The following RAD52 variants were observed in gnomAD, a reference collection of about 807,000 sequenced individuals.
RAD52 encodes RAD52 DNA repair protein, also known as DNA repair protein RAD52 homolog.
RAD52 carries 47 observed loss-of-function variants against 55.5 expected under a neutral mutation model. That is an observed-to-expected ratio of 0.85 (90% CI 0.67 to 1.08). RAD52 has a LOEUF of 1.08. RAD52 is among the 50% of genes least tolerant of loss of function. RAD52 has a pLI of 0.00. For synonymous variants in RAD52, 184 were observed against 198.9 expected, an observed-to-expected ratio of 0.92 and a Z score of 0.63; for missense variants, 468 against 522.8, an observed-to-expected ratio of 0.90 and a Z score of 1.02.
Position 917,888 on chromosome 12 carries a change from G to A in RAD52, c.544-1068C>T, listed in dbSNP as rs999167039. 4.1e-4 allele frequency among the ~76,000 whole-genome samples: 63 copies of A among 151,966 alleles called. 1 individual carries two copies. Among genetic ancestry groups the A allele is most frequent in the Admixed American group, 2.6e-4 (4 of 15,258 alleles). On this transcript the variant is annotated intron_variant, in intron 7 of 11. Coordinates refer to ENST00000358495, the MANE Select transcript of RAD52 (RefSeq NM_134424.4). ...CTGGGAGACAGAGGTTGCAGTGGGC[G>A]GAGATCGCACCACCGCACTCCAGCC...
rs528519073 is a variant in RAD52 at position 961,237 on chromosome 12, G to A, written c.-18-28161C>T. ...AGGCAGGAGAATCGCTTGAACCTGG[G>A]AGGCAGAGGTTGCAGTGAGCCGAGA... On this transcript the variant is annotated intron_variant, in intron 1 of 11. Coordinates refer to the RAD52 transcript ENST00000430095. 3.1e-4 allele frequency among the ~76,000 whole-genome samples: 46 copies of A among 147,906 alleles called. No individual in the cohort carries two copies. In the East Asian group the frequency reaches 9.4e-3, roughly 30 times the overall value.
At chr12:913,830 A>G in intron 11 of RAD52, 64 bp downstream of exon 11, 2 of 1,467,566 alleles carry the variant, frequency 1.4e-6, no homozygotes, top group Non-Finnish European at 1.9e-6. Flanking sequence ...TCCTTCCTCA[A>G]AAATTCCCAG....
chr12:974,034 G>C (rs1958904759), intron 1 of RAD52: 1 of 152,076 alleles, frequency 6.6e-6, no homozygotes, highest in South Asian at 2.1e-4. Flanking sequence ...TGTGAAGCAT[G>C]AGAGAGAGGA....
upstream of RAD52, among the ~76,000 whole-genome samples, chr12:951,895 G>C (rs1958533856): frequency 6.6e-6 from 1 of 151,894 alleles, no homozygotes; most frequent in Non-Finnish European, 1.5e-5. Context: ...AATTTTTGGG[G>C]TAAATGTATT....
intron 1 of RAD52, among the ~76,000 whole-genome samples, chr12:987,398 G>A (rs1017481846): frequency 4.0e-5 from 6 of 151,620 alleles, no homozygotes; most frequent in Non-Finnish European, 8.8e-5. Context: ...CTGCACTAGT[G>A]GATTCTTTCA....
At chr12:960,533 GCAAACTGCAGCCT>G (rs758168151) in intron 1 of RAD52, among the ~76,000 whole-genome samples, 39 of 152,302 alleles carry the variant, frequency 2.6e-4, no homozygotes, top group Admixed American at 1.2e-3. Context: ...CTCGATCATA[GCAAACTGCAGCCT>G]CAAACTCCTG....
intron 7 of RAD52, among the ~76,000 whole-genome samples, chr12:923,640 G>C (rs1956858552): frequency 6.6e-6 from 1 of 151,928 alleles, no homozygotes; most frequent in Non-Finnish European, 1.5e-5. Context: ...GAAATGCGGA[G>C]TTCTTGTTTT....
intron 1 of RAD52, among the ~76,000 whole-genome samples, chr12:934,659 TG>T (rs2154115555): frequency 6.6e-6 from 1 of 151,844 alleles, no homozygotes; most frequent in African/African-American, 2.4e-5. Context: ...AACTGGGAGG[TG>T]GTGGATATGT....
intron 1 of RAD52, among the ~76,000 whole-genome samples, chr12:980,470 T>G (rs1365946270): frequency 6.6e-6 from 1 of 151,708 alleles, no homozygotes. Flanking sequence ...ATTTTTGTAT[T>G]TTTAGTAGAG....
At chr12:927,103 G>T in intron 6 of RAD52, 42 bp downstream of exon 6, 1 of 1,581,620 alleles carries the variant, frequency 6.3e-7, no homozygotes, top group Non-Finnish European at 8.7e-7. Context: ...TCTGAAGCAA[G>T]AGCTGAAATG....
At chr12:966,532 C>T (rs1958772614) in intron 1 of RAD52, among the ~76,000 whole-genome samples, 1 of 152,142 alleles carries the variant, frequency 6.6e-6, no homozygotes, top group Non-Finnish European at 1.5e-5. Context: ...AGCCGTTACT[C>T]CATTCTAATG....
At chr12:963,399 A>G (rs1034439734) in intron 1 of RAD52, among the ~76,000 whole-genome samples, 7 of 152,186 alleles carry the variant, frequency 4.6e-5, no homozygotes, top group African/African-American at 1.4e-4. Flanking sequence ...CCCGGCTTGG[A>G]GCTTATATTC....
intron 1 of RAD52, among the ~76,000 whole-genome samples, chr12:948,980 T>C (rs1958413006): frequency 6.6e-6 from 1 of 152,176 alleles, no homozygotes; most frequent in Non-Finnish European, 1.5e-5. Context: ...ATTACAGGTG[T>C]GAGACGCCGC....
rs140202567 is a variant in RAD52, at chr12:987,461, A to C, written c.-19+2348T>G. Among the ~76,000 whole-genome samples the C allele has an allele frequency of 3.2e-3, 493 of 151,706 alleles. 1 individual carries two copies. Among genetic ancestry groups the C allele is most frequent in the African/African-American group, 0.011 (469 of 41,314 alleles). On this transcript the variant is annotated intron_variant, in intron 1 of 11. Transcript: ENST00000430095. ...TTTCAATAATTTTCTGTCCTTCATTAACTTTGTTTTCTCTTTTTCACATAA... is the reference window on the plus strand; with the variant it reads ...TTTCAATAATTTTCTGTCCTTCATTCACTTTGTTTTCTCTTTTTCACATAA...
At chr12:918,329 C>A (rs1768746047) in intron 7 of RAD52, among the ~76,000 whole-genome samples, 1 of 152,162 alleles carries the variant, frequency 6.6e-6, no homozygotes, top group Non-Finnish European at 1.5e-5. Flanking sequence ...AAGTAAGATA[C>A]AAAGAGTTCA....
rs1227409876 is a variant in RAD52, at chr12:916,744, C to T, written c.620G>A (p.Ser207Asn). Reference protein sequence around the residue: ...EPSVEEARYNSCRPNMALGHP... With the variant: ...EPSVEEARYNNCRPNMALGHP... ...TCCCAGGGCCATGTTCGGTCGGCAGCTGTTGTATCTTGCCTCCTCCACAGA... is the reference window on the plus strand; with the variant it reads ...TCCCAGGGCCATGTTCGGTCGGCAGTTGTTGTATCTTGCCTCCTCCACAGA... Residue 207 changes from serine (S) to asparagine (N), a missense_variant, in exon 8 of 12, where the codon AGC (serine) becomes AAC (asparagine). By Grantham distance (46) the Ser-to-Asn change is conservative. Coordinates refer to ENST00000358495, the MANE Select transcript of RAD52 (RefSeq NM_134424.4). The T allele has an allele frequency of 1.9e-6, 3 of 1,614,082 alleles. No individual in the cohort carries two copies.
At chr12:951,248 GACT>G (rs1340150281), upstream of RAD52, among the ~76,000 whole-genome samples, 1 of 152,104 alleles carries the variant, frequency 6.6e-6, no homozygotes. Flanking sequence ...AGGTAGCTGG[GACT>G]ACAAGCATAT....
intron 1 of RAD52, among the ~76,000 whole-genome samples, chr12:947,913 A>T (rs994204385): frequency 2.9e-5 from 4 of 136,908 alleles, no homozygotes; most frequent in Admixed American, 7.6e-5. Context: ...CAAAAAAAAA[A>T]CTGCCCTAAA....
chr12:950,079 C>T (rs1304490111), upstream of RAD52, among the ~76,000 whole-genome samples: 1 of 152,212 alleles, frequency 6.6e-6, no homozygotes, highest in Non-Finnish European at 1.5e-5. Flanking sequence ...CACCCATGCA[C>T]AATTGGGAAA....
Sources: allele counts gnomAD v4.1 joint callset (sites outside exome capture counted in the v4.1 genomes callset), GRCh38; gene constraint gnomAD v4.1.1; transcripts MANE v1.5; gene names NCBI Gene and HGNC (gene_info 2026-07-23, HGNC 2026-07-21).